The following XG variants were observed in gnomAD, a reference collection of about 807,000 sequenced individuals.
XG encodes Xg glycoprotein (Xg blood group), also known as glycoprotein Xg.
In XG, 24 loss-of-function variants were observed where a neutral mutation model predicts 25.7. The observed-to-expected ratio is 0.93, with a 90% CI of 0.68 to 1.31. The LOEUF is 1.31. Ranked by LOEUF, XG falls within the 40% of genes most tolerant of loss-of-function variation. The probability of loss-of-function intolerance (pLI) is 0.00; values close to 1 mark genes in which losing one functional copy is unlikely to be tolerated. For synonymous variants in XG, 77 were observed against 69.2 expected, an observed-to-expected ratio of 1.11 and a Z score of -0.56; for missense variants, 181 against 187.6, an observed-to-expected ratio of 0.96 and a Z score of 0.21.
chrX:2,769,861 G>T (rs901735089), intron 1 of XG, among the ~76,000 whole-genome samples: 2 of 152,284 alleles, frequency 1.3e-5, no homozygotes, highest in Non-Finnish European at 2.9e-5. Context: ...AGCCCCCAAA[G>T]AATTAAAAGT....
intron 1 of XG, among the ~76,000 whole-genome samples, chrX:2,768,510 G>A (rs2050748126): frequency 6.6e-6 from 1 of 152,196 alleles, no homozygotes; most frequent in African/African-American, 2.4e-5. Context: ...GCTCACGCCT[G>A]TAATCCCAGC....
At chrX:2,813,907 ATT>A (rs1426720869) in intron 10 of XG, among the ~76,000 whole-genome samples, 4 of 112,600 alleles carry the variant, frequency 3.6e-5, no homozygotes, top group Non-Finnish European at 7.5e-5. Flanking sequence ...CAAAACGAAT[ATT>A]TGTTTCCAGA....
At chrX:2,766,681 C>T (rs1174024662) in intron 1 of XG, among the ~76,000 whole-genome samples, 1 of 150,650 alleles carries the variant, frequency 6.6e-6, no homozygotes. Flanking sequence ...TCTCCTGCCT[C>T]AGCCTCCCGA....
chrX:2,801,910 T>C (rs1379973621), intron 7 of XG, among the ~76,000 whole-genome samples: 1 of 109,964 alleles, frequency 9.1e-6, no homozygotes, highest in African/African-American at 3.3e-5. Context: ...GGTTTCACCG[T>C]GTTAGCCAGG....
At chrX:2,760,157 G>A (rs181482197) in intron 1 of XG, among the ~76,000 whole-genome samples, 5 of 152,114 alleles carry the variant, frequency 3.3e-5, no homozygotes, top group Admixed American at 2.6e-4. Flanking sequence ...TCCAGCCTGG[G>A]CAACAGAGCG....
chrX:2,774,556 T>C (rs311157), intron 2 of XG, among the ~76,000 whole-genome samples, 160 bp from the exon 3 acceptor site: 80,410 of 151,792 alleles, frequency 0.53, 21,572 homozygotes, highest in African/African-American at 0.63. Context: ...TGTTTTCTTG[T>C]CTTTTTTCTC....
intron 1 of XG, among the ~76,000 whole-genome samples, chrX:2,756,310 A>G (rs1337485378): frequency 6.6e-6 from 1 of 152,164 alleles, no homozygotes; most frequent in African/African-American, 2.4e-5. Flanking sequence ...AGGGCAGTGT[A>G]TGAAATGTCA....
At chrX:2,765,218 G>T (rs1192853131) in intron 1 of XG, among the ~76,000 whole-genome samples, 1 of 151,810 alleles carries the variant, frequency 6.6e-6, no homozygotes, top group African/African-American at 2.4e-5. Flanking sequence ...ATAGTAGGGG[G>T]CGCCTGTAAT....
At chrX:2,784,849 C>T (rs1278792924) in intron 4 of XG, among the ~76,000 whole-genome samples, 1 of 112,470 alleles carries the variant, frequency 8.9e-6, no homozygotes, top group Non-Finnish European at 1.9e-5. Flanking sequence ...ATGCCTTTAA[C>T]ATGGCAGTCC....
At position 2,766,811 on chromosome X, in the gene XG, T is replaced by C. The variant is rs1055941573; in HGVS notation, c.62-3739T>C. On this transcript the variant is annotated intron_variant, in intron 1 of 10. Transcript: ENST00000644266. ...CGATCTCCTGACCTCGTGATCCGCC[T>C]GCCTCGGCCTCCCAAAGTGCTGGGA... Among the ~76,000 whole-genome samples, 270 of 149,356 alleles carry C rather than the reference T, an allele frequency of 1.8e-3. 2 individuals are homozygous for C. Among genetic ancestry groups the C allele is most frequent in the Non-Finnish European group, 2.5e-3 (168 of 67,006 alleles).
chrX:2,775,079 A>C, intron 3 of XG: 1 of 331,748 alleles, frequency 3.0e-6, no homozygotes, highest in South Asian at 5.0e-5. Flanking sequence ...ATCCTCCAAA[A>C]GTTAAATACA....
intron 8 of XG, 104 bp downstream of exon 8, chrX:2,806,849 C>T: frequency 1.5e-6 from 1 of 675,297 alleles, no homozygotes; most frequent in East Asian, 4.3e-5. Flanking sequence ...TCATCCAGTG[C>T]ACAACCAACT....
chrX:2,807,454 G>A (rs1485425240), intron 8 of XG, among the ~76,000 whole-genome samples: 7 of 111,413 alleles, frequency 6.3e-5, no homozygotes, highest in Non-Finnish European at 1.1e-4. Context: ...GAATGTGTTT[G>A]TGTGTGCATA....
chrX:2,781,772 T>C (rs1165705040), intron 3 of XG, among the ~76,000 whole-genome samples: 2 of 112,620 alleles, frequency 1.8e-5, no homozygotes, highest in Non-Finnish European at 3.7e-5. Context: ...CTAGGTTTCT[T>C]TTTTATATTA....
intron 2 of XG, among the ~76,000 whole-genome samples, chrX:2,773,774 C>A (rs61609553): frequency 0.033 from 629 of 19,308 alleles, 5 homozygotes; most frequent in South Asian, 0.06. Context: ...AAGGAAGGAG[C>A]GAAGGAAGGA....
chrX:2,776,775 G>A (rs1174619028), intron 3 of XG, among the ~76,000 whole-genome samples: 1 of 151,700 alleles, frequency 6.6e-6, no homozygotes, highest in African/African-American at 2.4e-5. Flanking sequence ...GTGAACCCGG[G>A]AGGCGGAGCT....
chrX:2,768,140 C>A (rs1348848976), intron 1 of XG, among the ~76,000 whole-genome samples: 2 of 152,070 alleles, frequency 1.3e-5, no homozygotes, highest in Admixed American at 6.6e-5. Flanking sequence ...AGGGGAGAGA[C>A]AACACCGAGG....
chrX:2,770,439 C>T lies in XG; in HGVS notation c.62-111C>T, dbSNP rs186314118. On this transcript the variant is annotated intron_variant, in intron 1 of 10. Transcript: ENST00000644266. ...GCTCATGGTCAGGTTAGTTTTAGTG[C>T]TCTGGGCGACCCTAGGCTTGCAGGA... 131 of 1,280,810 alleles carry T rather than the reference C, an allele frequency of 1.0e-4. 1 individual carries two copies. The highest frequency in any genetic ancestry group is 2.3e-5 in the East Asian group (1 of 43,172). The allele number at this position is 1,280,810 out of a possible 1,614,324, so 79.3% of individuals were successfully genotyped here. A position where few individuals can be genotyped will look rare whatever the true frequency, so the allele number is the denominator to read the frequency against.
At chrX:2,772,749 A>G (rs1201702499) in intron 2 of XG, among the ~76,000 whole-genome samples, 1 of 152,180 alleles carries the variant, frequency 6.6e-6, no homozygotes, top group African/African-American at 2.4e-5. Flanking sequence ...AAATAAACTT[A>G]TTTTCCACTC....
Sources: gnomAD v4.1 joint callset for allele counts (sites outside exome capture counted in the v4.1 genomes callset) on GRCh38, gnomAD v4.1.1 for gene constraint, MANE v1.5 for transcripts, NCBI Gene and HGNC (gene_info 2026-07-23, HGNC 2026-07-21) for gene names.